Variants in PHKB observed in about 807,000 individuals in gnomAD.
PHKB encodes the protein phosphorylase kinase regulatory subunit beta.
A neutral mutation model predicts 152.1 loss-of-function variants in PHKB; 122 were observed. That is an observed-to-expected ratio of 0.80 (90% confidence interval 0.69 to 0.93). The LOEUF is 0.93. Ranked by LOEUF, PHKB falls within the 40% of genes least tolerant of loss-of-function variation. The probability of loss-of-function intolerance (pLI) is 0.00; values close to 1 mark genes in which losing one functional copy is unlikely to be tolerated. For synonymous variants in PHKB, 436 were observed against 464.9 expected (o/e 0.94, Z 0.80); for missense variants, 1,304 against 1,328.4 (o/e 0.98, Z 0.29).
chr16:47,664,707 C>G (rs1973506716), intron 24 of PHKB, 178 bp from the exon 25 acceptor site: 4 of 627,464 alleles, frequency 6.4e-6, no homozygotes. Flanking sequence ...CAAGTGTGGT[C>G]TGTAGTCTTA....
At chr16:47,489,110 G>A (rs573000098) in intron 1 of PHKB, among the ~76,000 whole-genome samples, 1 of 152,250 alleles carries the variant, frequency 6.6e-6, no homozygotes, top group South Asian at 2.1e-4. Flanking sequence ...CTGGAGCGCA[G>A]TGGTGCAATC....
chr16:47,525,950 G>A (rs1485394451), intron 6 of PHKB, among the ~76,000 whole-genome samples: 1 of 152,144 alleles, frequency 6.6e-6, no homozygotes, highest in Admixed American at 6.5e-5. Flanking sequence ...TGTGGCTCCT[G>A]TATACGGGTT....
chr16:47,531,528 C>T (rs1325432712), intron 6 of PHKB, among the ~76,000 whole-genome samples: 13 of 152,132 alleles, frequency 8.5e-5, no homozygotes, highest in Non-Finnish European at 2.9e-5. Flanking sequence ...TAATCCATTA[C>T]AGGCTAACAT....
At chr16:47,571,425 A>G (rs1971656126) in intron 7 of PHKB, among the ~76,000 whole-genome samples, 1 of 152,016 alleles carries the variant, frequency 6.6e-6, no homozygotes, top group Admixed American at 6.5e-5. Context: ...GAGGGGAGGG[A>G]GCCACCTCAG....
intron 7 of PHKB, chr16:47,565,630 C>T (rs560043005): frequency 2.5e-5 from 28 of 1,107,926 alleles, no homozygotes; most frequent in South Asian, 1.9e-4. Flanking sequence ...GCAGAGGTCC[C>T]GGTCTGTGAT....
chr16:47,529,345 A>ATTTTT lies in PHKB; in HGVS notation c.594+13760_594+13764dup, dbSNP rs759050927. ...TCGCTACAAAAATCTTTAAAAAATA[A>ATTTTT]TTTTTTTTTTTTTTTTTTTTGGAGA... On this transcript the variant is annotated intron_variant, in intron 6 of 30. Coordinates refer to ENST00000323584, the MANE Select transcript of PHKB (RefSeq NM_000293.3). 8.4e-5 allele frequency: 11 copies of ATTTTT among 131,250 alleles called. 1 individual carries two copies. Among genetic ancestry groups the ATTTTT allele is most frequent in the African/African-American group, 3.3e-4 (11 of 33,442 alleles). 8.1% of individuals were successfully genotyped at this position (131,250 alleles called of 1,614,324 possible). A position where few individuals can be genotyped will look rare whatever the true frequency, so the allele number is the denominator to read the frequency against.
chr16:47,578,504 T>C (rs1235171476), intron 7 of PHKB, among the ~76,000 whole-genome samples: 2 of 152,204 alleles, frequency 1.3e-5, no homozygotes, highest in African/African-American at 4.8e-5. Flanking sequence ...CATCACCTCA[T>C]TACTGCCAGG....
chr16:47,659,088 A>G (rs1973391771), intron 20 of PHKB, among the ~76,000 whole-genome samples: 1 of 152,202 alleles, frequency 6.6e-6, no homozygotes, highest in South Asian at 2.1e-4. Flanking sequence ...GCTCTTAGGG[A>G]ACTTACTGTT....
intron 7 of PHKB, chr16:47,565,700 G>T (rs568794352): frequency 1.4e-6 from 2 of 1,431,526 alleles, no homozygotes; most frequent in African/African-American, 2.8e-5. Flanking sequence ...GCCAGTTTGG[G>T]TGTCTCTCCC....
Position 47,499,843 on chromosome 16 carries a change from A to C in PHKB, c.254A>C (p.Gln85Pro). 6.2e-7 allele frequency: 1 copy of C among 1,614,224 alleles called. No homozygotes were observed. The highest frequency in any genetic ancestry group is 8.5e-7 in the Non-Finnish European group (1 of 1,180,046). Residue 85 changes from glutamine to proline, a missense_variant, in exon 3 of 31, where the codon CAG becomes CCG. Transcript: ENST00000323584. ...TCGGDQKAKI[Q>P]DSLYCAAGAW... The stretch of plus-strand genomic sequence containing the variant: ...GGTGGTGACCAGAAGGCCAAGATCC[A>C]GGACAGCCTATACTGCGCTGCTGGG...
At chr16:47,497,002 G>A (rs1020687137) in intron 1 of PHKB, among the ~76,000 whole-genome samples, 3 of 152,132 alleles carry the variant, frequency 2.0e-5, no homozygotes, top group African/African-American at 7.2e-5. Flanking sequence ...AAAAATTTGT[G>A]TAATGAAACA....
intron 1 of PHKB, among the ~76,000 whole-genome samples, chr16:47,469,708 G>T (rs188775717): frequency 6.6e-6 from 1 of 152,204 alleles, no homozygotes; most frequent in Non-Finnish European, 1.5e-5. Context: ...TCAGCATCAC[G>T]TAATATACCC....
intron 25 of PHKB, among the ~76,000 whole-genome samples, chr16:47,667,333 G>A (rs1567348326): frequency 6.6e-6 from 1 of 152,156 alleles, no homozygotes; most frequent in Non-Finnish European, 1.5e-5. Flanking sequence ...GCCTTGGGAA[G>A]CTGAGGTAGG....
intron 1 of PHKB, among the ~76,000 whole-genome samples, chr16:47,473,297 A>G (rs1183544600): frequency 1.6e-5 from 2 of 128,572 alleles, no homozygotes; most frequent in Non-Finnish European, 3.1e-5. Context: ...CTGGTCTGGA[A>G]CTCCCAGTCT....
chr16:47,478,328 C>T (rs1969904236), intron 1 of PHKB, among the ~76,000 whole-genome samples: 1 of 152,130 alleles, frequency 6.6e-6, no homozygotes, highest in Non-Finnish European at 1.5e-5. Context: ...GGTTCATTTA[C>T]ATGGCTGACA....
intron 4 of PHKB, among the ~76,000 whole-genome samples, chr16:47,504,135 G>A (rs1176794216): frequency 6.6e-6 from 1 of 152,200 alleles, no homozygotes; most frequent in African/African-American, 2.4e-5. Flanking sequence ...AGCATAATCA[G>A]CAAAGGGTCA....
intron 25 of PHKB, chr16:47,665,255 C>T (rs1054686639): frequency 5.4e-6 from 2 of 370,760 alleles, no homozygotes; most frequent in Non-Finnish European, 1.0e-5. Flanking sequence ...ATTTTTATTT[C>T]TCTATCTAAA....
At chr16:47,640,639 A>G (rs1336857862) in intron 14 of PHKB, among the ~76,000 whole-genome samples, 1 of 152,202 alleles carries the variant, frequency 6.6e-6, no homozygotes, top group African/African-American at 2.4e-5. Context: ...CAAATGAACA[A>G]TTTTAACTAT....
intron 6 of PHKB, among the ~76,000 whole-genome samples, chr16:47,523,804 G>A (rs1007223831): frequency 2.0e-5 from 3 of 152,212 alleles, no homozygotes; most frequent in Non-Finnish European, 4.4e-5. Flanking sequence ...TTGCATCTAT[G>A]TGAGCTCTGA....
Sources: gnomAD v4.1 joint callset for allele counts (sites outside exome capture counted in the v4.1 genomes callset) on GRCh38, gnomAD v4.1.1 for gene constraint, MANE v1.5 for transcripts, NCBI Gene and HGNC (gene_info 2026-07-23, HGNC 2026-07-21) for gene names.